The following DYNC1I1 variants were observed in gnomAD, a reference collection of about 807,000 sequenced individuals.
DYNC1I1 encodes cytoplasmic dynein 1 intermediate chain 1.
In DYNC1I1, 43 loss-of-function variants were observed where a neutral mutation model predicts 86.6. That is an observed-to-expected ratio of 0.50 (90% confidence interval 0.39 to 0.64). DYNC1I1 has a LOEUF of 0.64. Among genes scored for constraint, DYNC1I1 ranks in the 30% least tolerant of loss-of-function variants. DYNC1I1 has a pLI of 0.00. For synonymous variants in DYNC1I1, 262 were observed against 283.7 expected, an observed-to-expected ratio of 0.92 and a Z score of 0.77; for missense variants, 604 against 788.8, an observed-to-expected ratio of 0.77 and a Z score of 2.81.
At chr7:96,023,618 C>G (rs989908412) in intron 10 of DYNC1I1, among the ~76,000 whole-genome samples, 6 of 152,174 alleles carry the variant, frequency 3.9e-5, no homozygotes, top group African/African-American at 1.4e-4. Flanking sequence ...AGCTGAATCT[C>G]ACCCTCATCT....
chr7:96,090,415 G>A (rs1057315937), intron 16 of DYNC1I1, among the ~76,000 whole-genome samples: 53 of 151,996 alleles, frequency 3.5e-4, no homozygotes, highest in African/African-American at 1.3e-3. Flanking sequence ...CTGGCTTATT[G>A]AAATTGATAG....
chr7:95,797,296 A>T (rs1270510351), intron 1 of DYNC1I1, among the ~76,000 whole-genome samples: 2 of 152,146 alleles, frequency 1.3e-5, no homozygotes, highest in African/African-American at 4.8e-5. Flanking sequence ...TTTGGTAGAC[A>T]TTTTCTCAAA....
intron 10 of DYNC1I1, among the ~76,000 whole-genome samples, chr7:96,027,936 G>T (rs1236123050): frequency 6.6e-6 from 1 of 152,138 alleles, no homozygotes; most frequent in African/African-American, 2.4e-5. Flanking sequence ...TGATAAAATG[G>T]ACAGGACTTC....
chr7:96,066,802 TA>T (rs1319076649), intron 14 of DYNC1I1, among the ~76,000 whole-genome samples: 5 of 152,194 alleles, frequency 3.3e-5, no homozygotes, highest in Non-Finnish European at 7.4e-5. Flanking sequence ...GATCCCCAAA[TA>T]AGCAATATTC....
chr7:96,003,635 G>A (rs143892353), intron 10 of DYNC1I1, among the ~76,000 whole-genome samples: 72 of 152,068 alleles, frequency 4.7e-4, no homozygotes, highest in African/African-American at 1.5e-3. Context: ...TCTCAGAAGG[G>A]CAACACCCTC....
chr7:95,855,579 G>A (rs1789697038), intron 5 of DYNC1I1, among the ~76,000 whole-genome samples: 1 of 152,138 alleles, frequency 6.6e-6, no homozygotes, highest in Admixed American at 6.6e-5. Context: ...TTTTGCCATT[G>A]GGAAAACATC....
intron 6 of DYNC1I1, among the ~76,000 whole-genome samples, chr7:95,936,848 G>T (rs1792053723): frequency 6.6e-6 from 1 of 151,692 alleles, no homozygotes; most frequent in Admixed American, 6.6e-5. Context: ...GACTGTATTA[G>T]GTTAAAAGAT....
intron 4 of DYNC1I1, among the ~76,000 whole-genome samples, chr7:95,823,059 A>T (rs62469571): frequency 1.3e-5 from 2 of 152,046 alleles, no homozygotes; most frequent in Non-Finnish European, 2.9e-5. Context: ...CTTCAAGGAG[A>T]GAAGACTTTG....
At chr7:96,049,098 AAAT>A (rs1789309031) in intron 14 of DYNC1I1, among the ~76,000 whole-genome samples, 1 of 151,932 alleles carries the variant, frequency 6.6e-6, no homozygotes, top group Admixed American at 6.6e-5. Context: ...TCTCTACTAA[AAAT>A]ACAAAAATTA....
intron 6 of DYNC1I1, among the ~76,000 whole-genome samples, chr7:95,930,123 C>G (rs1403970280): frequency 6.6e-6 from 1 of 152,164 alleles, no homozygotes; most frequent in Non-Finnish European, 1.5e-5. Context: ...TCAGGACAGC[C>G]CATTTTCCCA....
At chr7:95,987,973 C>A (rs938417527) in intron 9 of DYNC1I1, among the ~76,000 whole-genome samples, 6 of 152,186 alleles carry the variant, frequency 3.9e-5, no homozygotes, top group African/African-American at 1.4e-4. Flanking sequence ...CTCATGTATT[C>A]ATCATCTAAT....
At chr7:96,026,345 G>A (rs544579890) in intron 10 of DYNC1I1, among the ~76,000 whole-genome samples, 71 of 151,866 alleles carry the variant, frequency 4.7e-4, no homozygotes, top group Middle Eastern at 3.4e-3. Flanking sequence ...ATCTGGGTTT[G>A]GTTTCTTGTT....
At chr7:95,926,873 C>T (rs1468124633) in intron 6 of DYNC1I1, among the ~76,000 whole-genome samples, 1 of 152,142 alleles carries the variant, frequency 6.6e-6, no homozygotes, top group Non-Finnish European at 1.5e-5. Flanking sequence ...CTTGTCGTCC[C>T]TCCCATATCA....
chr7:96,011,109 C>T (rs971183435), intron 10 of DYNC1I1, among the ~76,000 whole-genome samples: 17 of 152,098 alleles, frequency 1.1e-4, no homozygotes, highest in Non-Finnish European at 1.9e-4. Flanking sequence ...TTTGACCTGA[C>T]GAATGTAAAC....
At chr7:96,019,826 A>C (rs138660829) in intron 10 of DYNC1I1, among the ~76,000 whole-genome samples, 418 of 152,282 alleles carry the variant, frequency 2.7e-3, no homozygotes, top group African/African-American at 9.5e-3. Flanking sequence ...AGATTTGTTG[A>C]GCAAGAAGAG....
intron 6 of DYNC1I1, among the ~76,000 whole-genome samples, chr7:95,964,916 G>C (rs1016945481): frequency 3.3e-5 from 5 of 152,168 alleles, no homozygotes; most frequent in African/African-American, 1.2e-4. Flanking sequence ...TGAGGTGTGA[G>C]TTCTTGACAA....
At chr7:95,980,318 T>C (rs1793423399) in intron 7 of DYNC1I1, among the ~76,000 whole-genome samples, 1 of 152,152 alleles carries the variant, frequency 6.6e-6, no homozygotes, top group African/African-American at 2.4e-5. Context: ...TTTTTTTTTT[T>C]TTAAAGCAAG....
At chr7:95,997,051 C>T (rs1584237403) in intron 10 of DYNC1I1, among the ~76,000 whole-genome samples, 1 of 152,168 alleles carries the variant, frequency 6.6e-6, no homozygotes, top group African/African-American at 2.4e-5. Context: ...ATAGGAGCTG[C>T]TGGAATAGAG....
chr7:95,813,540 T>C (rs1424870027), intron 4 of DYNC1I1, among the ~76,000 whole-genome samples: 2 of 152,144 alleles, frequency 1.3e-5, no homozygotes, highest in Non-Finnish European at 2.9e-5. Flanking sequence ...ACATATATCA[T>C]CCTTCTTTGA....
Sources: gnomAD v4.1 joint callset for allele counts (sites outside exome capture counted in the v4.1 genomes callset) on GRCh38, gnomAD v4.1.1 for gene constraint, MANE v1.5 for transcripts, NCBI Gene and HGNC (gene_info 2026-07-23, HGNC 2026-07-21) for gene names.